The following MCC variants were observed in gnomAD, a reference collection of about 807,000 sequenced individuals.
The protein encoded by MCC is MCC regulator of Wnt signaling pathway, also known as colorectal mutant cancer protein.
MCC carries 90 observed loss-of-function variants against 116.2 expected under a neutral mutation model. That is an observed-to-expected ratio of 0.77 (90% CI 0.65 to 0.92). MCC has a LOEUF of 0.92. Among genes scored for constraint, MCC ranks in the 40% least tolerant of loss-of-function variants. The pLI is 0.00. For missense variants in MCC, 1,516 were observed against 1,312.2 expected (o/e 1.16, Z -2.40); for synonymous variants, 578 against 510.5 (o/e 1.13, Z -1.78).
At chr5:113,138,275 T>A (rs771473894) in intron 5 of MCC, among the ~76,000 whole-genome samples, 12 of 152,264 alleles carry the variant, frequency 7.9e-5, no homozygotes, top group Middle Eastern at 3.4e-3. Context: ...CCTCCCAAAG[T>A]GCTGGGATTA....
intron 3 of MCC, among the ~76,000 whole-genome samples, chr5:113,222,904 T>A (rs550380182): frequency 6.6e-6 from 1 of 152,050 alleles, no homozygotes; most frequent in African/African-American, 2.4e-5. Context: ...GGCTCTCCTG[T>A]GGGTATGATA....
At chr5:113,196,273 C>G (rs1762401689) in intron 3 of MCC, among the ~76,000 whole-genome samples, 1 of 152,202 alleles carries the variant, frequency 6.6e-6, no homozygotes, top group Non-Finnish European at 1.5e-5. Context: ...TTCCTGACAT[C>G]AGGCTCTCAT....
At chr5:113,416,399 C>G (rs2150405144) in intron 1 of MCC, among the ~76,000 whole-genome samples, 1 of 152,060 alleles carries the variant, frequency 6.6e-6, no homozygotes, top group Admixed American at 6.5e-5. Context: ...CCCTGCACTC[C>G]AGCCTGGGCA....
chr5:113,083,655 G>T (rs886151056), intron 10 of MCC, among the ~76,000 whole-genome samples: 1 of 152,200 alleles, frequency 6.6e-6, no homozygotes, highest in East Asian at 1.9e-4. Flanking sequence ...TGGAACTAAA[G>T]TGAAGGTTCT....
intron 8 of MCC, among the ~76,000 whole-genome samples, chr5:113,086,557 G>A (rs149322379): frequency 7.5e-4 from 114 of 152,276 alleles, no homozygotes; most frequent in African/African-American, 2.6e-3. Flanking sequence ...TTTAAAACGT[G>A]CATTTACCTG....
chr5:113,265,789 T>C (rs1379470027), intron 3 of MCC, among the ~76,000 whole-genome samples: 1 of 152,078 alleles, frequency 6.6e-6, no homozygotes, highest in Non-Finnish European at 1.5e-5. Context: ...CCTCCCCTGC[T>C]TCAGAGACAG....
chr5:113,125,094 A>C (rs980871461), intron 5 of MCC, among the ~76,000 whole-genome samples: 1 of 152,258 alleles, frequency 6.6e-6, no homozygotes, highest in Non-Finnish European at 1.5e-5. Context: ...CACAGGATGG[A>C]AACATGAGGC....
At chr5:113,042,341 G>C (rs567663017) in intron 17 of MCC, among the ~76,000 whole-genome samples, 11 of 149,330 alleles carry the variant, frequency 7.4e-5, no homozygotes, top group African/African-American at 2.7e-4. Flanking sequence ...CAGGTGTGGG[G>C]GCATGCACCT....
chr5:113,053,813 G>C lies in MCC; in HGVS notation c.2360C>G (p.Pro787Arg). The change falls in exon 15 of 19, where the codon CCT (proline) becomes CGT (arginine). Residue 787 changes from proline (P) to arginine (R), a missense_variant. Pro to Arg is a moderately radical substitution (Grantham distance 103). Transcript: ENST00000408903. Reference protein sequence around the residue: ...MLELESIHIDPLSYDVKPRGD... With the variant: ...MLELESIHIDRLSYDVKPRGD... ...CCGAGGCTTGACGTCATAGCTGAGA[G>C]GATCGATGTGGATGCTTTCCAGCTC... is the stretch of plus-strand genomic sequence containing the variant. 1 of 1,614,146 alleles carries C rather than the reference G, an allele frequency of 6.2e-7. No homozygotes were observed. The highest frequency in any genetic ancestry group is 8.5e-7 in the Non-Finnish European group (1 of 1,180,032).
chr5:113,426,873 G>T (rs1327879395), intron 1 of MCC, among the ~76,000 whole-genome samples: 4 of 152,072 alleles, frequency 2.6e-5, no homozygotes, highest in South Asian at 2.1e-4. Context: ...AATGCGATGG[G>T]AGTGCAAAAT....
chr5:113,127,276 T>C (rs1335952947), intron 5 of MCC, among the ~76,000 whole-genome samples: 1 of 152,242 alleles, frequency 6.6e-6, no homozygotes, highest in East Asian at 1.9e-4. Context: ...GTTGATTCCA[T>C]GTCTTTGCTA....
intron 3 of MCC, among the ~76,000 whole-genome samples, chr5:113,246,122 G>C (rs1764566129): frequency 6.6e-6 from 1 of 152,162 alleles, no homozygotes; most frequent in Admixed American, 6.5e-5. Flanking sequence ...TACTAGCAGA[G>C]AATTTGATAA....
rs148332365 is a variant in MCC at position 113,244,957 on chromosome 5, T to C, written c.628-93535A>G. 1.3e-3 allele frequency among the ~76,000 whole-genome samples: 191 copies of C among 152,356 alleles called. 1 individual carries two copies. Among genetic ancestry groups the C allele is most frequent in the African/African-American group, 4.4e-3 (182 of 41,582 alleles). ...GCCCACAAGTATGAGAAACTTAATA[T>C]TGATTAGCCATTGTGGGTTAAAAAT... On this transcript the variant is annotated intron_variant, in intron 3 of 18. Coordinates refer to ENST00000408903, the MANE Select transcript of MCC (RefSeq NM_001085377.2).
At chr5:113,237,457 T>A (rs1764174316) in intron 3 of MCC, among the ~76,000 whole-genome samples, 1 of 152,204 alleles carries the variant, frequency 6.6e-6, no homozygotes, top group Non-Finnish European at 1.5e-5. Flanking sequence ...TTCAAAAATA[T>A]TTTTATGGAA....
intron 3 of MCC, among the ~76,000 whole-genome samples, chr5:113,284,514 T>C (rs754004052): frequency 1.8e-4 from 27 of 152,220 alleles, no homozygotes; most frequent in South Asian, 2.1e-4. Flanking sequence ...TCCTGTAATA[T>C]AGAAATAGAG....
intron 3 of MCC, among the ~76,000 whole-genome samples, chr5:113,264,247 A>G (rs1385595951): frequency 6.6e-6 from 1 of 152,194 alleles, no homozygotes; most frequent in Non-Finnish European, 1.5e-5. Context: ...GCATTACACA[A>G]TCTTCCAGGA....
intron 15 of MCC, among the ~76,000 whole-genome samples, chr5:113,049,782 C>A (rs1752364845): frequency 6.6e-6 from 1 of 152,212 alleles, no homozygotes; most frequent in South Asian, 2.1e-4. Flanking sequence ...ACACCCACGG[C>A]ACCTCTGTTG....
chr5:113,227,440 A>G (rs923176018), intron 3 of MCC, among the ~76,000 whole-genome samples: 8 of 152,336 alleles, frequency 5.3e-5, no homozygotes, highest in Admixed American at 5.2e-4. Context: ...GAAGTAGACC[A>G]TAATTTATAG....
chr5:113,384,804 C>G (rs1183957089), intron 2 of MCC, among the ~76,000 whole-genome samples, 164 bp downstream of exon 2: 1 of 152,132 alleles, frequency 6.6e-6, no homozygotes, highest in African/African-American at 2.4e-5. Context: ...TCAGACAGAA[C>G]TGGGGGAAAC....
Sources: allele counts gnomAD v4.1 joint callset (sites outside exome capture counted in the v4.1 genomes callset), GRCh38; gene constraint gnomAD v4.1.1; transcripts MANE v1.5; gene names NCBI Gene and HGNC (gene_info 2026-07-23, HGNC 2026-07-21).